Variants in SLC18A1 observed in about 807,000 individuals in gnomAD.
The protein encoded by SLC18A1 is solute carrier family 18 member A1, also known as chromaffin granule amine transporter.
SLC18A1 carries 69 observed loss-of-function variants against 53.7 expected under a neutral mutation model. The observed-to-expected ratio is 1.28, with a 90% CI of 1.06 to 1.57. SLC18A1 has a LOEUF of 1.57. SLC18A1 is among the 40% of genes most tolerant of loss of function. The pLI is 0.00. For synonymous variants in SLC18A1, 320 were observed against 248.1 expected (o/e 1.29, Z -2.72); for missense variants, 932 against 668.1 (o/e 1.40, Z -4.35).
Position 20,173,055 on chromosome 8 carries a change from G to C in SLC18A1, c.705C>G (p.Gly235=). ...RGRAMGTALG[G]LALGLLVGAP... ...ACTTACCCAGCAACCCCAAGGCCAG[G>C]CCCCCCAGAGCAGTTCCCATGGCTC... The change falls in exon 6 of 16, where the codon GGC becomes GGG. Residue 235 remains glycine, a synonymous_variant. Coordinates refer to ENST00000276373, the MANE Select transcript of SLC18A1 (RefSeq NM_003053.4). The C allele has an allele frequency of 1.3e-6, 2 of 1,589,796 alleles. No individual in the cohort carries two copies. The highest frequency in any genetic ancestry group is 1.7e-6 in the Non-Finnish European group (2 of 1,168,420).
Position 20,158,497 on chromosome 8 carries a change from C to T in SLC18A1, c.1015+6372G>A, listed in dbSNP as rs116740253. ...GCAACAGAAGGACAATATGGAGGAG[C>T]GAAGAATGCCCGTCCCGTTCAAGTT... On this transcript the variant is annotated intron_variant, in intron 10 of 15. Transcript: ENST00000276373. Among the ~76,000 whole-genome samples the T allele has an allele frequency of 4.1e-3, 627 of 152,210 alleles. 7 individuals carry two copies. Among genetic ancestry groups the T allele is most frequent in the African/African-American group, 0.014 (590 of 41,546 alleles).
chr8:20,165,207 T>A (rs1585208390), intron 8 of SLC18A1, 100 bp from the exon 9 acceptor site: 1 of 1,026,688 alleles, frequency 9.7e-7, no homozygotes, highest in Non-Finnish European at 1.5e-6. Context: ...TTAGAGACCA[T>A]CTACAGTATC....
At chr8:20,164,847 C>CG in intron 10 of SLC18A1, 22 bp downstream of exon 10, 17 of 1,577,160 alleles carry the variant, frequency 1.1e-5, no homozygotes, top group Non-Finnish European at 1.5e-5. Context: ...AGGCCCTGAG[C>CG]GGGGGTGCTG....
At chr8:20,170,661 A>G (rs1395072381) in intron 8 of SLC18A1, among the ~76,000 whole-genome samples, 1 of 152,170 alleles carries the variant, frequency 6.6e-6, no homozygotes, top group Non-Finnish European at 1.5e-5. Flanking sequence ...GATGTTGTCT[A>G]GGTGGCCCCC....
At chr8:20,171,317 C>T (rs532049781) in intron 7 of SLC18A1, 88 bp downstream of exon 7, 3 of 1,345,518 alleles carry the variant, frequency 2.2e-6, no homozygotes, top group African/African-American at 2.9e-5. Context: ...CCAAACCGCC[C>T]ATTCTTAGTG....
intron 6 of SLC18A1, among the ~76,000 whole-genome samples, chr8:20,171,712 G>A (rs941010506): frequency 9.2e-5 from 14 of 151,730 alleles, no homozygotes; most frequent in African/African-American, 2.2e-4. Flanking sequence ...GTGCGCGCGC[G>A]TGTGTGTATG....
In SLC18A1 at chr8:20,150,561, C is replaced by A. The variant is rs997073144; in HGVS notation, c.1094+105G>T. On this transcript the variant is annotated intron_variant, in intron 11 of 15. Transcript: ENST00000276373. ...AAGTTTTTATCGGTGTGTACTCATC[C>A]TAAACTTTCAACCGTATGGAAGCTG... 2.8e-5 allele frequency: 29 copies of A among 1,035,088 alleles called. No individual in the cohort carries two copies. The African/African-American group carries it at 4.5e-4, about 16-fold the overall frequency. 64.1% of individuals were successfully genotyped at this position (1,035,088 alleles called of 1,614,324 possible). A position where few individuals can be genotyped will look rare whatever the true frequency, so the allele number is the denominator to read the frequency against.
chr8:20,180,945 T>C lies in SLC18A1; in HGVS notation c.20A>G (p.Asp7Gly). The change falls in exon 2 of 16, where the codon GAT becomes GGT. Residue 7 changes from aspartate to glycine, a missense_variant. By Grantham distance (94) the Asp-to-Gly change is moderately conservative. Transcript: ENST00000276373. ...CTCCTTCAGCAACCGCTGGGGAGCA[T>C]CCAGAATGGTCCGGAGCATGGTGAT... MLRTILDAPQRLLKEGR... is the reference protein window; with the variant it reads MLRTILGAPQRLLKEGR... The C allele has an allele frequency of 1.3e-6, 2 of 1,585,584 alleles. No homozygotes were observed. The highest frequency in any genetic ancestry group is 1.7e-6 in the Non-Finnish European group (2 of 1,166,742).
chr8:20,152,321 A>T (rs897021366), intron 10 of SLC18A1, among the ~76,000 whole-genome samples: 2 of 152,246 alleles, frequency 1.3e-5, no homozygotes. Flanking sequence ...AATTGGATTT[A>T]TATTTTCTAA....
At chr8:20,177,872 A>G (rs2072289009) in intron 4 of SLC18A1, among the ~76,000 whole-genome samples, 1 of 152,162 alleles carries the variant, frequency 6.6e-6, no homozygotes, top group African/African-American at 2.4e-5. Flanking sequence ...TATTAGAAAC[A>G]TTTAGCTGAT....
intron 5 of SLC18A1, 152 bp from the exon 6 acceptor site, chr8:20,173,280 C>T: frequency 4.8e-6 from 3 of 625,800 alleles, no homozygotes; most frequent in Non-Finnish European, 8.4e-6. Context: ...TAGTATTTTT[C>T]AAGTACTACC....
chr8:20,163,611 C>T (rs1419667458), intron 10 of SLC18A1, among the ~76,000 whole-genome samples: 2 of 152,106 alleles, frequency 1.3e-5, no homozygotes, highest in African/African-American at 4.8e-5. Context: ...CAGCGATTTT[C>T]TAGGTGTGAT....
intron 6 of SLC18A1, 140 bp from the exon 7 acceptor site, chr8:20,171,634 T>C: frequency 1.5e-6 from 1 of 665,908 alleles, no homozygotes; most frequent in Non-Finnish European, 2.7e-6. Flanking sequence ...AATTCAGAGA[T>C]GGAGACATGA....
chr8:20,148,115 A>C, intron 12 of SLC18A1, 45 bp from the exon 13 acceptor site: 1 of 1,561,806 alleles, frequency 6.4e-7, no homozygotes, highest in Middle Eastern at 1.7e-4. Flanking sequence ...CAGATGGGTC[A>C]GGTGGGAGCA....
intron 12 of SLC18A1, chr8:20,148,324 G>C: frequency 1.6e-6 from 1 of 643,484 alleles, no homozygotes; most frequent in Non-Finnish European, 2.5e-6. Context: ...GCAAGATCAA[G>C]TTTGGACCTC....
At chr8:20,163,866 C>T (rs1470904838) in intron 10 of SLC18A1, among the ~76,000 whole-genome samples, 1 of 152,114 alleles carries the variant, frequency 6.6e-6, no homozygotes, top group Non-Finnish European at 1.5e-5. Flanking sequence ...TGAGAATGGT[C>T]CCTAGGCTGC....
chr8:20,147,658 C>A lies in SLC18A1; in HGVS notation c.1275G>T (p.Val425=). The change falls in exon 14 of 16, where the codon GTG becomes GTT. Residue 425 remains valine (V), a synonymous_variant. Coordinates refer to ENST00000276373, the MANE Select transcript of SLC18A1 (RefSeq NM_003053.4). ...CAGCGATGGCGTAGACACTCCCATA[C>A]ACCGAGGTGTGGCGTAGATCCACCA... ...GHLVDLRHTS[V]YGSVYAIADV... The A allele has an allele frequency of 6.2e-7, 1 of 1,614,084 alleles. No homozygotes were observed. Among genetic ancestry groups the A allele is most frequent in the Non-Finnish European group, 8.5e-7 (1 of 1,180,000 alleles).
intron 1 of SLC18A1, chr8:20,182,077 T>C (rs928063232): frequency 1.3e-5 from 2 of 152,248 alleles, no homozygotes; most frequent in Non-Finnish European, 2.9e-5. Context: ...GAGAATTTCA[T>C]TTTCTTTGAC....
chr8:20,146,786 T>G (rs2071411812), intron 15 of SLC18A1, among the ~76,000 whole-genome samples: 1 of 149,050 alleles, frequency 6.7e-6, no homozygotes, highest in Non-Finnish European at 1.5e-5. Context: ...ATCACACTAT[T>G]ACACTCCACC....
Sources: allele counts gnomAD v4.1 joint callset (sites outside exome capture counted in the v4.1 genomes callset), GRCh38; gene constraint gnomAD v4.1.1; transcripts MANE v1.5; gene names NCBI Gene and HGNC (gene_info 2026-07-23, HGNC 2026-07-21).